The following SLIT3 variants were observed in gnomAD, a reference collection of about 807,000 sequenced individuals.
SLIT3 encodes slit guidance ligand 3, also known as slit homolog 3 protein.
Under a neutral mutation model 184.0 loss-of-function variants are expected in SLIT3, and 68 were observed. The observed-to-expected ratio is 0.37, with a 90% CI of 0.30 to 0.45. The LOEUF is 0.45. Ranked by LOEUF, SLIT3 falls within the 20% of genes least tolerant of loss-of-function variation. The pLI is 1.00. For missense variants in SLIT3, 1,707 were observed against 2,026.0 expected (o/e 0.84, Z 3.02); for synonymous variants, 831 against 828.6 (o/e 1.00, Z -0.05).
At chr5:169,097,396 G>GAGGA (rs1484738559) in intron 4 of SLIT3, among the ~76,000 whole-genome samples, 1 of 152,036 alleles carries the variant, frequency 6.6e-6, no homozygotes, top group Non-Finnish European at 1.5e-5. Flanking sequence ...GGAAATGGGA[G>GAGGA]AGGAAGGAAG....
intron 20 of SLIT3, among the ~76,000 whole-genome samples, chr5:168,732,722 A>T (rs1476260432): frequency 6.6e-6 from 1 of 152,194 alleles, no homozygotes; most frequent in Non-Finnish European, 1.5e-5. Flanking sequence ...TGGGGAAATG[A>T]CACCCTATTC....
chr5:168,847,679 C>T (rs1419401478), intron 5 of SLIT3, among the ~76,000 whole-genome samples: 1 of 152,182 alleles, frequency 6.6e-6, no homozygotes, highest in Non-Finnish European at 1.5e-5. Flanking sequence ...TCCTGATGCA[C>T]AGGAGAAGGG....
At chr5:169,180,916 A>C (rs1211272622) in intron 4 of SLIT3, among the ~76,000 whole-genome samples, 1 of 152,178 alleles carries the variant, frequency 6.6e-6, no homozygotes, top group Non-Finnish European at 1.5e-5. Context: ...TCTAACATGA[A>C]ATGAAAGTCC....
At chr5:168,756,137 C>G (rs530380807) in intron 16 of SLIT3, among the ~76,000 whole-genome samples, 3 of 152,246 alleles carry the variant, frequency 2.0e-5, no homozygotes, top group Non-Finnish European at 4.4e-5. Context: ...GGCGGGCTCG[C>G]AGAGATAGAC....
intron 3 of SLIT3, among the ~76,000 whole-genome samples, chr5:169,244,232 C>T (rs115039435): frequency 5.3e-5 from 8 of 152,370 alleles, no homozygotes; most frequent in East Asian, 3.9e-4. Context: ...CTGAAGGCTG[C>T]GCCCACTCAC....
chr5:169,050,506 C>T (rs1279516855), intron 4 of SLIT3, among the ~76,000 whole-genome samples: 1 of 152,172 alleles, frequency 6.6e-6, no homozygotes, highest in African/African-American at 2.4e-5. Context: ...GTTCATTCAT[C>T]AAATATCTAT....
chr5:169,254,653 C>T (rs1380478223), intron 1 of SLIT3, among the ~76,000 whole-genome samples: 3 of 152,114 alleles, frequency 2.0e-5, no homozygotes. Flanking sequence ...CTTGCTCTCT[C>T]GCTCCCCTCA....
Position 168,762,341 on chromosome 5 carries a change from G to A in SLIT3, c.1610+198C>T, listed in dbSNP as rs117760310. On this transcript the variant is annotated intron_variant, in intron 15 of 35. Transcript: ENST00000519560. ...GAAAATATGTGTAGAATGAAGGAAT[G>A]AACTGTCTTTATTTGCAAGCAAGCT... is the stretch of plus-strand genomic sequence containing the variant. 6.4e-3 allele frequency among the ~76,000 whole-genome samples: 976 copies of A among 152,232 alleles called. 32 individuals are homozygous for A. The highest frequency in any genetic ancestry group is 0.052 in the East Asian group (270 of 5,180).
At chr5:169,233,531 T>C (rs983339624) in intron 3 of SLIT3, among the ~76,000 whole-genome samples, 7 of 152,136 alleles carry the variant, frequency 4.6e-5, no homozygotes, top group African/African-American at 1.7e-4. Context: ...GGTTGATACA[T>C]GCAGCCTTTG....
chr5:168,682,785 ATGTGCTC>A (rs936138443), intron 32 of SLIT3, among the ~76,000 whole-genome samples: 2 of 152,138 alleles, frequency 1.3e-5, no homozygotes, highest in African/African-American at 4.8e-5. Context: ...TCCCTATGAA[ATGTGCTC>A]TTGCCTCTGA....
intron 4 of SLIT3, among the ~76,000 whole-genome samples, chr5:168,915,942 T>C (rs563235123): frequency 6.6e-6 from 1 of 152,356 alleles, no homozygotes; most frequent in African/African-American, 2.4e-5. Flanking sequence ...ATTCATTTTG[T>C]TAGGTATGAT....
intron 4 of SLIT3, among the ~76,000 whole-genome samples, chr5:169,079,690 G>A (rs1304081744): frequency 5.3e-5 from 5 of 95,168 alleles, no homozygotes; most frequent in Non-Finnish European, 4.5e-5. Context: ...GAGGGAAGAG[G>A]AGGAGGAGGG....
In SLIT3 at chr5:168,876,468, T is replaced by C. The variant is rs929490749; in HGVS notation, c.485+6797A>G. Among the ~76,000 whole-genome samples the C allele has an allele frequency of 5.9e-5, 9 of 152,302 alleles. No homozygotes were observed. In the East Asian group the frequency reaches 1.7e-3, roughly 29 times the overall value. Reference sequence around the variant, plus strand: ...TCTCCCTAACCTCATTGCTCTTTATTGCCTCTCTTGCTAGCTATACTCCAG... The same window carrying C: ...TCTCCCTAACCTCATTGCTCTTTATCGCCTCTCTTGCTAGCTATACTCCAG... On this transcript the variant is annotated intron_variant, in intron 5 of 35. Coordinates refer to ENST00000519560, the MANE Select transcript of SLIT3 (RefSeq NM_003062.4).
intron 1 of SLIT3, among the ~76,000 whole-genome samples, chr5:169,282,347 G>A (rs139916982): frequency 5.5e-4 from 84 of 152,226 alleles, no homozygotes; most frequent in African/African-American, 1.8e-3. Context: ...GAGATGAACC[G>A]TCTGAGCCAA....
intron 4 of SLIT3, among the ~76,000 whole-genome samples, chr5:169,161,402 C>T (rs949352768): frequency 6.6e-6 from 1 of 152,218 alleles, no homozygotes; most frequent in Non-Finnish European, 1.5e-5. Flanking sequence ...CCTCTGTACC[C>T]GCCCACTGGC....
chr5:169,190,193 T>G (rs763732261), intron 4 of SLIT3, among the ~76,000 whole-genome samples: 2 of 152,344 alleles, frequency 1.3e-5, no homozygotes, highest in African/African-American at 4.8e-5. Flanking sequence ...TGGGCATATA[T>G]GACCAAGCTA....
chr5:168,884,549 G>GATATATATAAATATATATATAT (rs1760106599), intron 4 of SLIT3, among the ~76,000 whole-genome samples: 1 of 41,138 alleles, frequency 2.4e-5, no homozygotes, highest in Non-Finnish European at 4.1e-5. Context: ...CCAATTACGA[G>GATATATATAAATATATATATAT]ATATATATAT....
intron 14 of SLIT3, among the ~76,000 whole-genome samples, chr5:168,763,071 C>A (rs1371069738): frequency 3.3e-5 from 5 of 152,128 alleles, no homozygotes; most frequent in African/African-American, 7.2e-5. Context: ...ACCTGCTTCA[C>A]AACTCCTATC....
At chr5:169,233,469 T>C (rs1765083036) in intron 3 of SLIT3, among the ~76,000 whole-genome samples, 1 of 151,924 alleles carries the variant, frequency 6.6e-6, no homozygotes, top group African/African-American at 2.4e-5. Context: ...TTAAGAATTC[T>C]GATAGTTAGG....
Sources: allele counts gnomAD v4.1 joint callset (sites outside exome capture counted in the v4.1 genomes callset), GRCh38; gene constraint gnomAD v4.1.1; transcripts MANE v1.5; gene names NCBI Gene and HGNC (gene_info 2026-07-23, HGNC 2026-07-21).